CELF2: variants seen among roughly 807,000 people sequenced by gnomAD.
CELF2 encodes the protein CUGBP Elav-like family member 2.
A neutral mutation model predicts 62.6 loss-of-function variants in CELF2; 8 were observed. That is an observed-to-expected ratio of 0.13 (90% CI 0.07 to 0.23). The LOEUF (loss-of-function observed/expected upper bound fraction) is 0.23, where lower values mean the gene tolerates loss of function less well. Ranked by LOEUF, CELF2 falls within the 10% of genes least tolerant of loss-of-function variation. CELF2 has a pLI of 1.00. For missense variants in CELF2, 333 were observed against 671.0 expected (o/e 0.50, Z 5.56); for synonymous variants, 258 against 250.0 (o/e 1.03, Z -0.30).
intron 1 of CELF2, among the ~76,000 whole-genome samples, chr10:10,849,303 G>A (rs527707238): frequency 2.0e-5 from 3 of 151,852 alleles, no homozygotes; most frequent in Admixed American, 1.3e-4. Context: ...CCAGCTACTT[G>A]GGAGGATGAG....
At chr10:10,670,091 C>T in the CELF2 span, among the ~76,000 whole-genome samples, 10 of 151,912 alleles carry the variant, frequency 6.6e-5, no homozygotes, top group African/African-American at 1.5e-4. Flanking sequence ...TTAGTAGAGA[C>T]GGGTTTTGCC....
chr10:11,261,900 C>T (rs2080745804), intron 5 of CELF2, among the ~76,000 whole-genome samples: 1 of 152,204 alleles, frequency 6.6e-6, no homozygotes, highest in Non-Finnish European at 1.5e-5. Context: ...GACAGCATCA[C>T]CCTAGCATGT....
chr10:10,472,379 G>A, the CELF2 span, among the ~76,000 whole-genome samples: 2 of 151,346 alleles, frequency 1.3e-5, no homozygotes, highest in Non-Finnish European at 3.0e-5. Context: ...AGTTTCTCTG[G>A]TAAATTATTA....
At chr10:11,068,861 C>T (rs578135912) in intron 1 of CELF2, among the ~76,000 whole-genome samples, 1 of 152,292 alleles carries the variant, frequency 6.6e-6, no homozygotes, top group South Asian at 2.1e-4. Context: ...CACCCGGCCT[C>T]ATTATTTCTT....
At chr10:10,798,454 A>ATTT (rs750771225), upstream of CELF2, 461 of 274,818 alleles carry the variant, frequency 1.7e-3, 3 homozygotes, top group South Asian at 2.0e-3. Flanking sequence ...GGACGGTGTT[A>ATTT]ATAAAGAGAG....
At chr10:10,687,271 C>T in the CELF2 span, among the ~76,000 whole-genome samples, 1 of 152,182 alleles carries the variant, frequency 6.6e-6, no homozygotes, top group African/African-American at 2.4e-5. Flanking sequence ...TTTCCTCCAC[C>T]TCAGATTTGC....
chr10:10,536,943 G>C, the CELF2 span, among the ~76,000 whole-genome samples: 1 of 152,216 alleles, frequency 6.6e-6, no homozygotes, highest in Non-Finnish European at 1.5e-5. Context: ...GGCTAGTGTT[G>C]CTGGGGCAAG....
intron 2 of CELF2, among the ~76,000 whole-genome samples, chr10:11,197,058 A>G (rs1328218642): frequency 0.028 from 2,011 of 71,940 alleles, 368 homozygotes; most frequent in East Asian, 0.12. Context: ...AGAAAGAAAG[A>G]AAAGAAAGAA....
intron 1 of CELF2, among the ~76,000 whole-genome samples, chr10:11,101,194 G>A (rs183537321): frequency 5.9e-5 from 9 of 152,272 alleles, no homozygotes; most frequent in East Asian, 1.9e-4. Flanking sequence ...GAGCTAGTTC[G>A]CTGAAAGGGA....
chr10:10,965,195 T>A (rs1428323616), intron 2 of CELF2, among the ~76,000 whole-genome samples: 1 of 152,190 alleles, frequency 6.6e-6, no homozygotes, highest in Non-Finnish European at 1.5e-5. Flanking sequence ...CCAATGAATA[T>A]AGCCCTCTCT....
At chr10:10,994,322 C>T (rs1299469393) in intron 2 of CELF2, among the ~76,000 whole-genome samples, 4 of 152,156 alleles carry the variant, frequency 2.6e-5, no homozygotes, top group Non-Finnish European at 5.9e-5. Context: ...TACCTGCCAC[C>T]AAAATTGTCC....
intron 1 of CELF2, among the ~76,000 whole-genome samples, chr10:11,089,070 C>T (rs1477272389): frequency 6.6e-6 from 1 of 152,150 alleles, no homozygotes; most frequent in African/African-American, 2.4e-5. Flanking sequence ...TTCAGCCTAG[C>T]CTCAAAAGTT....
At chr10:10,657,930 T>C in the CELF2 span, among the ~76,000 whole-genome samples, 1 of 152,238 alleles carries the variant, frequency 6.6e-6, no homozygotes, top group African/African-American at 2.4e-5. Context: ...CTTTGCCCTG[T>C]TATTAACTTT....
chr10:11,162,348 G>A (rs989476794), intron 1 of CELF2, among the ~76,000 whole-genome samples: 3 of 152,236 alleles, frequency 2.0e-5, no homozygotes, highest in African/African-American at 4.8e-5. Context: ...AGGAAGGTGG[G>A]GGGTGGTGAT....
the CELF2 span, among the ~76,000 whole-genome samples, chr10:10,617,693 G>T: frequency 2.1e-5 from 3 of 139,982 alleles, no homozygotes; most frequent in Non-Finnish European, 3.1e-5. Flanking sequence ...ACTCTAAAGG[G>T]CCTTAGGCTT....
intron 1 of CELF2, among the ~76,000 whole-genome samples, chr10:11,119,340 G>A (rs2057240973): frequency 6.6e-6 from 1 of 152,196 alleles, no homozygotes; most frequent in Non-Finnish European, 1.5e-5. Context: ...TGTGTCCTAA[G>A]GACAGTAGAT....
rs578052529 is a variant in CELF2, at chr10:10,878,267, G to A, written c.54-41697G>A. On this transcript the variant is annotated intron_variant, in intron 1 of 13. Coordinates refer to the CELF2 transcript ENST00000636488. ...AGTGTCAACTAGCTTGGACCCAAGG[G>A]CCACTCTTTCCTTTGCTTGGTTGAG... is the stretch of plus-strand genomic sequence containing the variant. Among the ~76,000 whole-genome samples, 4 of 152,224 alleles carry A rather than the reference G, an allele frequency of 2.6e-5. No individual in the cohort carries two copies. The East Asian group carries it at 7.7e-4, about 29-fold the overall frequency.
At position 11,247,535 on chromosome 10, in the gene CELF2, C is replaced by T. The variant is rs563629651; in HGVS notation, c.355-1618C>T. On this transcript the variant is annotated intron_variant, in intron 3 of 12. Transcript: ENST00000633077. This position sits in a 1 kb window ranked among gnomAD's most constrained non-coding sequence, Gnocchi z 5.4. ...CCCACATGCTTGCCAGGGTGCTTAC[C>T]GGCTGAGGGCTCAGTGTCTCTCCTG... is the stretch of plus-strand genomic sequence containing the variant. Among the ~76,000 whole-genome samples, 5 of 152,172 alleles carry T rather than the reference C, an allele frequency of 3.3e-5. No homozygotes were observed. Among genetic ancestry groups the T allele is most frequent in the East Asian group, 3.9e-4 (2 of 5,184 alleles).
At position 11,321,346 on chromosome 10, in the gene CELF2, C is replaced by CCTG; in HGVS notation, c.1259_1261dup (p.Leu420dup). The CCTG allele has an allele frequency of 6.2e-7, 1 of 1,610,778 alleles. No homozygotes were observed. The highest frequency in any genetic ancestry group is 8.5e-7 in the Non-Finnish European group (1 of 1,179,994). Reference sequence around the variant, plus strand: ...CGCTGCCCACTCTGTACAGCCAGAGCCTGCTGCAGCAGCAGAGCGCTGCAG... The same window carrying CCTG: ...CGCTGCCCACTCTGTACAGCCAGAGCCTGCTGCTGCAGCAGCAGAGCGCTGCAG... On this transcript the variant is annotated inframe_insertion, in exon 11 of 13. Coordinates refer to ENST00000633077, the MANE Select transcript of CELF2 (RefSeq NM_001326342.2). This position sits in a 1 kb window ranked among gnomAD's most constrained non-coding sequence, Gnocchi z 6.2.
Sources: gnomAD v4.1 joint callset for allele counts (sites outside exome capture counted in the v4.1 genomes callset) on GRCh38, gnomAD v4.1.1 for gene constraint, Gnocchi (gnomAD v3.1) non-coding constraint, MANE v1.5 for transcripts, NCBI Gene and HGNC (gene_info 2026-07-23, HGNC 2026-07-21) for gene names.